EPB41L3: variants seen among roughly 807,000 people sequenced by gnomAD.
EPB41L3 encodes the protein erythrocyte membrane protein band 4.1 like 3.
Under a neutral mutation model 127.1 loss-of-function variants are expected in EPB41L3, and 57 were observed. The observed-to-expected ratio is 0.45, with a 90% CI of 0.36 to 0.56. EPB41L3 has a LOEUF of 0.56. EPB41L3 is among the 20% of genes least tolerant of loss of function. The pLI is 0.00. For synonymous variants in EPB41L3, 572 were observed against 549.5 expected, an observed-to-expected ratio of 1.04 and a Z score of -0.57; for missense variants, 1,273 against 1,372.2, an observed-to-expected ratio of 0.93 and a Z score of 1.14.
chr18:5,496,733 TTTTGC>T (rs2091217908), intron 1 of EPB41L3, among the ~76,000 whole-genome samples: 1 of 152,238 alleles, frequency 6.6e-6, no homozygotes, highest in Admixed American at 6.5e-5. Flanking sequence ...GACAAGGCTT[TTTTGC>T]TTTATGTTGG....
At chr18:5,597,817 G>T (rs531901410) in intron 3 of EPB41L3, among the ~76,000 whole-genome samples, 1 of 152,114 alleles carries the variant, frequency 6.6e-6, no homozygotes, top group East Asian at 1.9e-4. Context: ...CAAGTGGGGT[G>T]TGACTTCATT....
chr18:5,412,203 T>A (rs915696828), intron 13 of EPB41L3, among the ~76,000 whole-genome samples: 1 of 152,036 alleles, frequency 6.6e-6, no homozygotes, highest in Admixed American at 6.6e-5. Context: ...TTGCACTTAG[T>A]GTTTTATTTT....
intron 3 of EPB41L3, among the ~76,000 whole-genome samples, chr18:5,556,854 A>C (rs2094043043): frequency 6.6e-6 from 1 of 152,200 alleles, no homozygotes; most frequent in Admixed American, 6.5e-5. Context: ...TGAGAGGATT[A>C]AATGAAATAA....
intron 1 of EPB41L3, among the ~76,000 whole-genome samples, chr18:5,528,290 T>A (rs1394844301): frequency 1.3e-5 from 2 of 151,948 alleles, no homozygotes; most frequent in Non-Finnish European, 2.9e-5. Flanking sequence ...CACCTCAGCC[T>A]CCCCAGTAGT....
intron 16 of EPB41L3, among the ~76,000 whole-genome samples, chr18:5,403,744 G>A (rs1222663321): frequency 6.6e-6 from 1 of 152,058 alleles, no homozygotes; most frequent in African/African-American, 2.4e-5. Flanking sequence ...CCATTTGGAA[G>A]TAACTGGATT....
intron 3 of EPB41L3, among the ~76,000 whole-genome samples, chr18:5,573,953 C>T (rs2094310380): frequency 6.6e-6 from 1 of 150,982 alleles, no homozygotes; most frequent in African/African-American, 2.4e-5. Context: ...CTCTGTTGCC[C>T]AGGCTGGAGT....
chr18:5,510,486 T>C (rs895076252), intron 1 of EPB41L3, among the ~76,000 whole-genome samples: 7 of 152,304 alleles, frequency 4.6e-5, no homozygotes, highest in African/African-American at 1.4e-4. Flanking sequence ...GTAATTGTTT[T>C]CAAAATCATT....
chr18:5,471,065 C>A (rs1000621512), intron 3 of EPB41L3, among the ~76,000 whole-genome samples: 1 of 152,130 alleles, frequency 6.6e-6, no homozygotes, highest in African/African-American at 2.4e-5. Flanking sequence ...TGAGCTGGTA[C>A]CTGCCATGCA....
chr18:5,562,140 T>C (rs979667247), intron 3 of EPB41L3, among the ~76,000 whole-genome samples: 1 of 152,320 alleles, frequency 6.6e-6, no homozygotes, highest in East Asian at 1.9e-4. Context: ...AAAGTCTGCA[T>C]TTTGTTAATA....
intron 3 of EPB41L3, among the ~76,000 whole-genome samples, chr18:5,600,598 G>C (rs963283975): frequency 2.0e-5 from 3 of 151,882 alleles, no homozygotes; most frequent in African/African-American, 7.3e-5. Context: ...TCCAAGATTG[G>C]GAGAGATTTA....
intron 19 of EPB41L3, 59 bp from the exon 20 acceptor site, chr18:5,395,766 T>A (rs775649612): frequency 1.6e-5 from 21 of 1,344,102 alleles, no homozygotes; most frequent in Non-Finnish European, 2.2e-5. Flanking sequence ...CTTCAGAAGT[T>A]GGCTACGTTA....
chr18:5,397,447 G>A lies in EPB41L3; in HGVS notation c.2473-21C>T, dbSNP rs1337846186. On this transcript the variant is annotated intron_variant, in intron 17 of 22. Transcript: ENST00000341928. The surrounding 1 kb of genome is among the most constrained non-coding windows in gnomAD (Gnocchi z 4.1). Reference sequence around the variant, plus strand: ...ATTTTCTGCATGGGAAGAGATTGTGGCATCAGTGTGACCATCCATAAACCA... The same window carrying A: ...ATTTTCTGCATGGGAAGAGATTGTGACATCAGTGTGACCATCCATAAACCA... 6 of 1,588,640 alleles carry A rather than the reference G, an allele frequency of 3.8e-6. No homozygotes were observed. The highest frequency in any genetic ancestry group is 1.1e-5 in the South Asian group (1 of 87,326).
At chr18:5,477,112 T>C (rs2087396728) in intron 3 of EPB41L3, among the ~76,000 whole-genome samples, 1 of 152,202 alleles carries the variant, frequency 6.6e-6, no homozygotes, top group Non-Finnish European at 1.5e-5. Flanking sequence ...TGAAATGGAT[T>C]TGAATCTTCT....
rs1351331864 is a variant in EPB41L3 at position 5,423,488 on chromosome 18, C to T, written c.1229G>A (p.Gly410Asp). ...TCTTCTCGTTTGCGCTTGTGTCCTG[C>T]CACTATAACGAAACTTGGAACCCAA... The part of the protein sequence containing the change: ...LTLGSKFRYS[G>D]RTQAQTRRAS... The change falls in exon 11 of 23, where the codon GGC (glycine) becomes GAC (aspartate). Residue 410 changes from glycine (G) to aspartate (D), a missense_variant. Transcript: ENST00000341928. The T allele has an allele frequency of 1.2e-6, 2 of 1,613,620 alleles. No individual in the cohort carries two copies. The highest frequency in any genetic ancestry group is 1.7e-5 in the Admixed American group (1 of 59,986).
chr18:5,494,204 C>T (rs2090913611), intron 1 of EPB41L3, among the ~76,000 whole-genome samples: 2 of 152,058 alleles, frequency 1.3e-5, no homozygotes, highest in African/African-American at 2.4e-5. Flanking sequence ...TGCCTGCTGC[C>T]AACCCCCCAA....
At chr18:5,396,468 T>G in intron 18 of EPB41L3, 136 bp from the exon 19 acceptor site, 1 of 979,118 alleles carries the variant, frequency 1.0e-6, no homozygotes, top group Non-Finnish European at 1.5e-6. Context: ...AGCTGGGGAA[T>G]GAGGCATACA....
chr18:5,560,085 T>C (rs1430759977), intron 3 of EPB41L3, among the ~76,000 whole-genome samples: 1 of 152,246 alleles, frequency 6.6e-6, no homozygotes, highest in Non-Finnish European at 1.5e-5. Flanking sequence ...ATTCCCAATA[T>C]GATTTTGTTT....
chr18:5,498,790 C>A (rs148371677), intron 1 of EPB41L3, among the ~76,000 whole-genome samples: 121 of 151,842 alleles, frequency 8.0e-4, no homozygotes, highest in African/African-American at 2.9e-3. Flanking sequence ...AAAGAGTGAG[C>A]GAATAAACTA....
chr18:5,512,326 G>A (rs1191318708), intron 1 of EPB41L3, among the ~76,000 whole-genome samples: 1 of 152,198 alleles, frequency 6.6e-6, no homozygotes, highest in Admixed American at 6.5e-5. Context: ...ACTCAACCTT[G>A]ACTGGGGAGA....
Sources: gnomAD v4.1 joint callset for allele counts (sites outside exome capture counted in the v4.1 genomes callset) on GRCh38, gnomAD v4.1.1 for gene constraint, Gnocchi (gnomAD v3.1) non-coding constraint, MANE v1.5 for transcripts, NCBI Gene and HGNC (gene_info 2026-07-23, HGNC 2026-07-21) for gene names.